Variants in WWOX observed in about 807,000 individuals in gnomAD.
WWOX encodes the protein WW domain containing oxidoreductase.
Under a neutral mutation model 46.2 loss-of-function variants are expected in WWOX, and 69 were observed. The ratio of observed to expected loss-of-function variants is 1.49; its 90% CI spans 1.23 to 1.82. The LOEUF (loss-of-function observed/expected upper bound fraction) is 1.82, where lower values mean the gene tolerates loss of function less well. Among genes scored for constraint, WWOX ranks in the 40% most tolerant of loss-of-function variants. WWOX has a pLI of 0.00. For missense variants in WWOX, 919 were observed against 542.6 expected, an observed-to-expected ratio of 1.69 and a Z score of -6.89; for synonymous variants, 359 against 202.6, an observed-to-expected ratio of 1.77 and a Z score of -6.56.
At chr16:78,969,380 G>A (rs896337451) in intron 8 of WWOX, among the ~76,000 whole-genome samples, 1 of 151,326 alleles carries the variant, frequency 6.6e-6, no homozygotes, top group Non-Finnish European at 1.5e-5. Context: ...AGGGATTCTC[G>A]TGCCTCAGCC....
chr16:79,054,465 C>A (rs544721347), intron 8 of WWOX, among the ~76,000 whole-genome samples: 1 of 152,106 alleles, frequency 6.6e-6, no homozygotes, highest in Non-Finnish European at 1.5e-5. Context: ...CCAAAATGCG[C>A]GTGTTGCAAT....
chr16:78,587,035 C>G (rs1396512470), intron 8 of WWOX, among the ~76,000 whole-genome samples: 1 of 151,880 alleles, frequency 6.6e-6, no homozygotes, highest in African/African-American at 2.4e-5. Context: ...AGTTAGTGTT[C>G]CTTTTTTAGA....
chr16:78,858,617 T>TA (rs1470876122), intron 8 of WWOX, among the ~76,000 whole-genome samples: 4 of 152,052 alleles, frequency 2.6e-5, no homozygotes, highest in Non-Finnish European at 2.9e-5. Context: ...TGAGAAGGCT[T>TA]TGAGGAGGGA....
chr16:78,527,296 C>CTT lies in WWOX; in HGVS notation c.1056+94557_1056+94558dup, dbSNP rs368608216. Among the ~76,000 whole-genome samples the CTT allele has an allele frequency of 2.9e-3, 396 of 138,510 alleles. 3 individuals carry two copies. The highest frequency in any genetic ancestry group is 0.012 in the South Asian group (54 of 4,388). 90.9% of individuals were successfully genotyped at this position (138,510 alleles called of 152,430 possible). A position where few individuals can be genotyped will look rare whatever the true frequency, so the allele number is the denominator to read the frequency against. On this transcript the variant is annotated intron_variant, in intron 8 of 8. Coordinates refer to ENST00000566780, the MANE Select transcript of WWOX (RefSeq NM_016373.4). ...CTTGTATCTCGCTCTTTTTTTCTTT[C>CTT]TTTTTTTTTTTTTTGGAGACAGAGT... is the stretch of plus-strand genomic sequence containing the variant.
chr16:79,047,392 G>A (rs2048085398), intron 8 of WWOX, among the ~76,000 whole-genome samples: 1 of 152,200 alleles, frequency 6.6e-6, no homozygotes, highest in Non-Finnish European at 1.5e-5. Context: ...TAGACCAGAT[G>A]AAGATTGATC....
chr16:78,623,528 A>T (rs1268330874), intron 8 of WWOX, among the ~76,000 whole-genome samples: 1 of 152,058 alleles, frequency 6.6e-6, no homozygotes, highest in Non-Finnish European at 1.5e-5. Flanking sequence ...AAAAATACAA[A>T]AATCAGCCAG....
chr16:79,114,842 G>A (rs941045631), intron 8 of WWOX, among the ~76,000 whole-genome samples: 7 of 152,194 alleles, frequency 4.6e-5, no homozygotes, highest in African/African-American at 1.4e-4. Context: ...TGACAGGGCT[G>A]GCCTGCTGCT....
chr16:78,492,656 A>G (rs2084811962), intron 8 of WWOX, among the ~76,000 whole-genome samples: 1 of 152,186 alleles, frequency 6.6e-6, no homozygotes, highest in Non-Finnish European at 1.5e-5. Flanking sequence ...TTCTTCGTAT[A>G]TTGGCTTTGA....
chr16:79,034,681 T>C (rs532457305), intron 8 of WWOX, among the ~76,000 whole-genome samples: 63 of 152,274 alleles, frequency 4.1e-4, no homozygotes, highest in African/African-American at 1.5e-3. Context: ...TTCCTTTCTT[T>C]TTTTTTTTCA....
intron 8 of WWOX, among the ~76,000 whole-genome samples, chr16:78,590,020 G>A (rs893101627): frequency 4.6e-5 from 7 of 152,036 alleles, no homozygotes; most frequent in African/African-American, 7.2e-5. Context: ...TGCTTCTTAC[G>A]TGTCACGCAC....
At chr16:78,193,673 C>G (rs1313414382) in intron 5 of WWOX, among the ~76,000 whole-genome samples, 2 of 137,260 alleles carry the variant, frequency 1.5e-5, no homozygotes, top group Non-Finnish European at 3.2e-5. Context: ...GAGAAGGTTT[C>G]AACACCATAT....
At chr16:78,133,115 A>C (rs564219063) in intron 4 of WWOX, among the ~76,000 whole-genome samples, 1 of 152,212 alleles carries the variant, frequency 6.6e-6, no homozygotes, top group African/African-American at 2.4e-5. Flanking sequence ...AGTGACTTCT[A>C]CATGCCGTGT....
chr16:78,640,791 T>A (rs1189410889), intron 8 of WWOX, among the ~76,000 whole-genome samples: 1 of 151,854 alleles, frequency 6.6e-6, no homozygotes, highest in East Asian at 1.9e-4. Flanking sequence ...TACAAAAAAT[T>A]AGCCGGGCGT....
At chr16:79,055,713 A>G (rs1018101850) in intron 8 of WWOX, among the ~76,000 whole-genome samples, 1 of 152,242 alleles carries the variant, frequency 6.6e-6, no homozygotes, top group Non-Finnish European at 1.5e-5. Context: ...ATAAATTATG[A>G]ATAGTGAATT....
intron 8 of WWOX, among the ~76,000 whole-genome samples, chr16:79,122,580 CTCTT>C (rs913167471): frequency 6.6e-6 from 1 of 151,410 alleles, no homozygotes; most frequent in Non-Finnish European, 1.5e-5. Flanking sequence ...CTTTCCCTCT[CTCTT>C]TCTCCGTCTT....
rs544877257 is a variant in WWOX, at chr16:78,795,523, G to A, written c.1056+362771G>A. Among the ~76,000 whole-genome samples the A allele has an allele frequency of 3.3e-5, 5 of 152,282 alleles. No individual in the cohort carries two copies. The East Asian group carries it at 7.7e-4, about 24-fold the overall frequency. On this transcript the variant is annotated intron_variant, in intron 8 of 8. Coordinates refer to ENST00000566780, the MANE Select transcript of WWOX (RefSeq NM_016373.4). The stretch of plus-strand genomic sequence containing the variant: ...ATCAAACCTGGCTTCTTAGTCCACT[G>A]CTGAGTCTTCCCAATTCTGAAAAAA...
At chr16:79,004,285 C>G (rs1322014627) in intron 8 of WWOX, 1 of 152,144 alleles carries the variant, frequency 6.6e-6, no homozygotes, top group Admixed American at 6.5e-5. Flanking sequence ...TTGGCAGTAC[C>G]GCATGGCGAG....
At chr16:78,410,542 G>C (rs1423712991) in intron 6 of WWOX, among the ~76,000 whole-genome samples, 1 of 152,062 alleles carries the variant, frequency 6.6e-6, no homozygotes, top group Non-Finnish European at 1.5e-5. Context: ...GGGCATGGTG[G>C]CTCACTCCTG....
In WWOX at chr16:78,308,158, C is replaced by T. The variant is rs889431719; in HGVS notation, c.517-78702C>T. 1.3e-4 allele frequency among the ~76,000 whole-genome samples: 20 copies of T among 152,174 alleles called. 1 individual carries two copies. Among genetic ancestry groups the T allele is most frequent in the Non-Finnish European group, 2.4e-4 (16 of 68,032 alleles). ...TAGGCAGTGCAGTGTGGGAGTCCTT[C>T]CCCTAGCATGTTAGTGGCCAGCACC... On this transcript the variant is annotated intron_variant, in intron 5 of 8. Coordinates refer to ENST00000566780, the MANE Select transcript of WWOX (RefSeq NM_016373.4).
Sources: gnomAD v4.1 joint callset for allele counts (sites outside exome capture counted in the v4.1 genomes callset) on GRCh38, gnomAD v4.1.1 for gene constraint, MANE v1.5 for transcripts, NCBI Gene and HGNC (gene_info 2026-07-23, HGNC 2026-07-21) for gene names.